Variants in PPFIBP2 observed in about 807,000 individuals in gnomAD.
PPFIBP2 encodes the protein liprin-beta-2.
PPFIBP2 carries 118 observed loss-of-function variants against 118.3 expected under a neutral mutation model. That is an observed-to-expected ratio of 1.00 (90% CI 0.86 to 1.16). The LOEUF is 1.16. Ranked by LOEUF, PPFIBP2 falls within the 50% of genes most tolerant of loss-of-function variation. The probability of loss-of-function intolerance (pLI) is 0.00; values close to 1 mark genes in which losing one functional copy is unlikely to be tolerated. For missense variants in PPFIBP2, 1,195 were observed against 1,073.1 expected (o/e 1.11, Z -1.59); for synonymous variants, 414 against 397.4 (o/e 1.04, Z -0.50).
At position 7,543,104 on chromosome 11, in the gene PPFIBP2, G is replaced by A. The variant is rs551070673; in HGVS notation, c.-36-6336G>A. ...TATGGGATGTGATTGAGAATTTAGC[G>A]CTGCCATCAAATTCCTTCATATCTG... On this transcript the variant is annotated intron_variant, in intron 1 of 23. Coordinates refer to ENST00000299492, the MANE Select transcript of PPFIBP2 (RefSeq NM_003621.5). Among the ~76,000 whole-genome samples the A allele has an allele frequency of 9.2e-5, 14 of 152,266 alleles. 1 individual carries two copies. In the Middle Eastern group the frequency reaches 0.014, roughly 148 times the overall value.
downstream of PPFIBP2, among the ~76,000 whole-genome samples, chr11:7,658,199 GGTTA>G (rs1301527859): frequency 2.6e-5 from 4 of 151,414 alleles, no homozygotes; most frequent in East Asian, 2.0e-4. Context: ...ACATTGTGCA[GGTTA>G]GTTACATATG....
At chr11:7,662,510 G>A in the PPFIBP2 span, among the ~76,000 whole-genome samples, 742 of 151,772 alleles carry the variant, frequency 4.9e-3, 1 homozygote, top group African/African-American at 0.016. Context: ...TTTCTGCTGA[G>A]AGATCCGCTG....
At chr11:7,570,420 C>A (rs1375770333) in intron 3 of PPFIBP2, among the ~76,000 whole-genome samples, 2 of 152,216 alleles carry the variant, frequency 1.3e-5, no homozygotes, top group African/African-American at 4.8e-5. Flanking sequence ...TCCTACCAGC[C>A]AGCCAGTCTG....
the PPFIBP2 span, among the ~76,000 whole-genome samples, chr11:7,663,407 G>C: frequency 1.6e-3 from 237 of 151,950 alleles, 2 homozygotes; most frequent in African/African-American, 5.5e-3. Flanking sequence ...ATACCCTGCT[G>C]TGTGAGGTGT....
intron 17 of PPFIBP2, among the ~76,000 whole-genome samples, chr11:7,647,951 T>C (rs1853358736): frequency 6.6e-6 from 1 of 152,322 alleles, no homozygotes; most frequent in South Asian, 2.1e-4. Flanking sequence ...TTGGGTGTTT[T>C]GTTTTTTTTC....
At chr11:7,585,444 C>T (rs1857978894) in intron 3 of PPFIBP2, among the ~76,000 whole-genome samples, 1 of 152,216 alleles carries the variant, frequency 6.6e-6, no homozygotes, top group South Asian at 2.1e-4. Context: ...CTGGAACCAA[C>T]TCCTTCCCCT....
chr11:7,596,712 A>T (rs1269161450), intron 4 of PPFIBP2, among the ~76,000 whole-genome samples: 1 of 152,196 alleles, frequency 6.6e-6, no homozygotes. Context: ...TCAGTTTATC[A>T]ACTGCTAATT....
At chr11:7,553,224 T>G (rs1249097711) in intron 2 of PPFIBP2, among the ~76,000 whole-genome samples, 1 of 137,220 alleles carries the variant, frequency 7.3e-6, no homozygotes, top group Non-Finnish European at 1.6e-5. Flanking sequence ...TAACAAATTA[T>G]TATTATTTTT....
Position 7,629,541 on chromosome 11 carries a change from G to T in PPFIBP2, c.964+7G>T, listed in dbSNP as rs774760325. On this transcript the variant is annotated splice_region_variant and intron_variant, in intron 10 of 23. Transcript: ENST00000299492. Reference sequence around the variant, plus strand: ...ATTGTGATGGTCACTCAAGGTAAGAGCAAGGGCGATCCTACCGTTGTCTCT... The same window carrying T: ...ATTGTGATGGTCACTCAAGGTAAGATCAAGGGCGATCCTACCGTTGTCTCT... 6.2e-7 allele frequency: 1 copy of T among 1,613,634 alleles called. No individual in the cohort carries two copies. The highest frequency in any genetic ancestry group is 8.5e-7 in the Non-Finnish European group (1 of 1,179,542).
chr11:7,619,178 A>G (rs1038712991), intron 6 of PPFIBP2, among the ~76,000 whole-genome samples: 2 of 152,244 alleles, frequency 1.3e-5, no homozygotes, highest in African/African-American at 4.8e-5. Flanking sequence ...GCTAGCTATT[A>G]GCTGTCATAC....
chr11:7,636,731 A>T (rs1590734907), intron 14 of PPFIBP2, among the ~76,000 whole-genome samples: 1 of 152,334 alleles, frequency 6.6e-6, no homozygotes, highest in East Asian at 1.9e-4. Context: ...AGAACTATTT[A>T]TAAAGAAAAA....
At position 7,653,196 on chromosome 11, in the gene PPFIBP2, A is replaced by G; in HGVS notation, c.2609A>G (p.Asp870Gly). The G allele has an allele frequency of 6.2e-7, 1 of 1,614,160 alleles. No individual in the cohort carries two copies. Among genetic ancestry groups the G allele is most frequent in the Non-Finnish European group, 8.5e-7 (1 of 1,180,034 alleles). ...GATGCCCCTGAACTGGATGGGCTGG[A>G]CCAGGTGGGACAGATTAGCTGATGC... ...PLDAPELDGL[D>G]QVGQIS Residue 870 changes from aspartate to glycine, a missense_variant, in exon 24 of 24, where the codon GAC becomes GGC. Asp to Gly is a moderately conservative substitution (Grantham distance 94, BLOSUM62 -1). Coordinates refer to ENST00000299492, the MANE Select transcript of PPFIBP2 (RefSeq NM_003621.5).
At chr11:7,558,544 A>G (rs1853913874) in intron 2 of PPFIBP2, among the ~76,000 whole-genome samples, 1 of 152,150 alleles carries the variant, frequency 6.6e-6, no homozygotes, top group African/African-American at 2.4e-5. Context: ...TCACGAGGTC[A>G]GGAGTTCGAG....
chr11:7,534,939 T>C (rs1477234776), intron 1 of PPFIBP2, among the ~76,000 whole-genome samples: 1 of 152,272 alleles, frequency 6.6e-6, no homozygotes, highest in Non-Finnish European at 1.5e-5. Flanking sequence ...GAAGGCACCA[T>C]GTGCATTGCA....
chr11:7,589,196 T>C (rs975632120), intron 3 of PPFIBP2, among the ~76,000 whole-genome samples: 6 of 152,186 alleles, frequency 3.9e-5, no homozygotes, highest in Non-Finnish European at 7.4e-5. Flanking sequence ...AATTAGCTCT[T>C]TCTTATATTC....
chr11:7,596,651 A>G (rs950215101), intron 4 of PPFIBP2, among the ~76,000 whole-genome samples: 2 of 152,168 alleles, frequency 1.3e-5, no homozygotes, highest in Non-Finnish European at 2.9e-5. Flanking sequence ...ATAATTCTGG[A>G]TAATCTATAT....
intron 3 of PPFIBP2, among the ~76,000 whole-genome samples, chr11:7,570,793 T>C (rs1041474441): frequency 2.0e-5 from 3 of 147,256 alleles, no homozygotes; most frequent in Non-Finnish European, 3.0e-5. Flanking sequence ...ACCCTGGCTC[T>C]ACCACTCATG....
rs201595048 is a variant in PPFIBP2, at chr11:7,610,442, G to T, written c.618+20G>T. The stretch of plus-strand genomic sequence containing the variant: ...GCAGAGGTAAGGGTGAGTGTGTACT[G>T]TCCTAAGCTCAGACCTGGGAAGGCT... On this transcript the variant is annotated intron_variant, in intron 6 of 23. Coordinates refer to ENST00000299492, the MANE Select transcript of PPFIBP2 (RefSeq NM_003621.5). 271 of 1,609,952 alleles carry T rather than the reference G, an allele frequency of 1.7e-4. 1 individual carries two copies. Among genetic ancestry groups the T allele is most frequent in the Admixed American group, 5.2e-4 (31 of 59,990 alleles).
intron 3 of PPFIBP2, among the ~76,000 whole-genome samples, chr11:7,582,823 C>G (rs1420886369): frequency 6.6e-6 from 1 of 152,112 alleles, no homozygotes; most frequent in African/African-American, 2.4e-5. Context: ...GGCCAGGAGT[C>G]CCTTCTCTCA....
Sources: gnomAD v4.1 joint callset for allele counts (sites outside exome capture counted in the v4.1 genomes callset) on GRCh38, gnomAD v4.1.1 for gene constraint, MANE v1.5 for transcripts, NCBI Gene and HGNC (gene_info 2026-07-23, HGNC 2026-07-21) for gene names.